The following CBS variants were observed in gnomAD, a reference collection of about 807,000 sequenced individuals.
CBS encodes cystathionine beta-synthase, also known as beta-thionase.
For missense variants in CBS, 27 were observed against 124.8 expected (o/e 0.22, Z 3.73); for synonymous variants, 23 against 52.2 (o/e 0.44, Z 2.41).
In CBS at chr21:43,066,178, CCGGCAGGCT is replaced by C. The variant is rs1381217098; in HGVS notation, c.451+56_451+64del. 2.3e-6 allele frequency: 3 copies of C among 1,303,110 alleles called. 1 individual carries two copies. In the African/African-American group the frequency reaches 6.0e-5, roughly 26 times the overall value. The allele number at this position is 1,303,110 out of a possible 1,614,324, so 80.7% of individuals were successfully genotyped here. ...GCAGCTCAGCCATCCCCCCCGGGTCCCGGCAGGCTCGGCATGGGTAGGGGACAGCCAGCC... is the reference window on the plus strand; with the variant it reads ...GCAGCTCAGCCATCCCCCCCGGGTCCCGGCATGGGTAGGGGACAGCCAGCC... On this transcript the variant is annotated intron_variant, in intron 5 of 16. Transcript: ENST00000398165.
In CBS at chr21:43,075,768, ACCTGG is replaced by A. The variant is rs1233348102; in HGVS notation, c.-88_-85+1del. The A allele has an allele frequency of 6.8e-3, 1 of 148 alleles. No individual in the cohort carries two copies. Among genetic ancestry groups the A allele is most frequent in the Admixed American group, 0.012 (1 of 84 alleles). 0.0% of individuals were successfully genotyped at this position (148 alleles called of 1,614,324 possible). On this transcript the variant is annotated splice_donor_variant and 5_prime_UTR_variant, in exon 1 of 17. Coordinates refer to ENST00000398165, the MANE Select transcript of CBS (RefSeq NM_000071.3). LOFTEE classifies it low-confidence loss of function (5UTR_SPLICE). ...GCGAGTCTCGGTGGGGCCGGATCTCACCTGGACGGATACATGGAAAAGAGGGGCGA... is the reference window on the plus strand; with the variant it reads ...GCGAGTCTCGGTGGGGCCGGATCTCAACGGATACATGGAAAAGAGGGGCGA...
Position 43,075,773 on chromosome 21 carries a change from G to GAAA in CBS, c.-89_-88insTTT, listed in dbSNP as rs1264290997. 3.9e-3 allele frequency: 1 copy of GAAA among 256 alleles called. No homozygotes were observed. The highest frequency in any genetic ancestry group is 7.7e-3 in the Admixed American group (1 of 130). 0.0% of individuals were successfully genotyped at this position (256 alleles called of 1,614,324 possible). The stretch of plus-strand genomic sequence containing the variant: ...TCTCGGTGGGGCCGGATCTCACCTG[G>GAAA]ACGGATACATGGAAAAGAGGGGCGA... On this transcript the variant is annotated 5_prime_UTR_variant, in exon 1 of 17. Coordinates refer to ENST00000398165, the MANE Select transcript of CBS (RefSeq NM_000071.3).
chr21:43,066,101 C>A lies in CBS; in HGVS notation c.451+142G>T, dbSNP rs2298760. 8.3e-4 allele frequency: 462 copies of A among 554,616 alleles called. 16 individuals are homozygous for A. In the East Asian group the frequency reaches 0.013, roughly 15 times the overall value. The allele number at this position is 554,616 out of a possible 1,614,324, so 34.4% of individuals were successfully genotyped here. On this transcript the variant is annotated intron_variant, in intron 5 of 16. Transcript: ENST00000398165. Reference sequence around the variant, plus strand: ...GCTAGGTTGGGACACAGGCCGGCAGCGGGTGCAAGATGCCAGGGAGCAGGC... The same window carrying A: ...GCTAGGTTGGGACACAGGCCGGCAGAGGGTGCAAGATGCCAGGGAGCAGGC...
chr21:43,066,181 G>C (rs1982707300), intron 5 of CBS, 62 bp downstream of exon 5: 6 of 1,307,100 alleles, frequency 4.6e-6, no homozygotes, highest in African/African-American at 2.1e-5. Flanking sequence ...CCGGGTCCCG[G>C]CAGGCTCGGC....
In CBS at chr21:43,067,722, T is replaced by C; in HGVS notation, c.316+787A>G. ...TCCCACTCGAACTCCACCCCCTCCATCTGGCCCTGTCGCGGGGTTCTCCGC... is the reference window on the plus strand; with the variant it reads ...TCCCACTCGAACTCCACCCCCTCCACCTGGCCCTGTCGCGGGGTTCTCCGC... On this transcript the variant is annotated intron_variant, in intron 4 of 16. Transcript: ENST00000398165. 5.8e-6 allele frequency: 2 copies of C among 344,290 alleles called. 1 individual carries two copies. Among genetic ancestry groups the C allele is most frequent in the Middle Eastern group, 7.7e-4 (2 of 2,582 alleles). The allele number at this position is 344,290 out of a possible 1,614,324, so 21.3% of individuals were successfully genotyped here. A position where few individuals can be genotyped will look rare whatever the true frequency, so the allele number is the denominator to read the frequency against.
chr21:43,067,864 G>T lies in CBS; in HGVS notation c.316+645C>A. ...CCACAGCTTTCTCTGTGACGATGCT[G>T]AGGTCTACCAGGGCTCTGCGCTCTT... On this transcript the variant is annotated intron_variant, in intron 4 of 16. Transcript: ENST00000398165. The T allele has an allele frequency of 1.3e-5, 4 of 310,572 alleles. 1 individual carries two copies. Among genetic ancestry groups the T allele is most frequent in the South Asian group, 7.9e-5 (4 of 50,736 alleles). The allele number at this position is 310,572 out of a possible 1,614,324, so 19.2% of individuals were successfully genotyped here. A position where few individuals can be genotyped will look rare whatever the true frequency, so the allele number is the denominator to read the frequency against.
chr21:43,066,916 G>C (rs998060933), intron 4 of CBS, among the ~76,000 whole-genome samples: 1 of 134,758 alleles, frequency 7.4e-6, no homozygotes. Context: ...ACAAGGCCAA[G>C]GCCTTCACTT....
Position 43,068,604 on chromosome 21 carries a change from G to A in CBS, c.221C>T (p.Pro74Leu), listed in dbSNP as rs762862715. Residue 74 changes from proline (P) to leucine (L), a missense_variant, in exon 4 of 17, where the codon CCA becomes CTA. Physicochemically the swap from Pro to Leu is moderately conservative, Grantham distance 98. Transcript: ENST00000398165. ...PHHHTAPAKS[P>L]KILPDILKKI... Reference sequence around the variant, plus strand: ...CTTCAGAATATCTGGCAAGATTTTTGGAGATTTTGCCCTGAAACAGAGGAG... The same window carrying A: ...CTTCAGAATATCTGGCAAGATTTTTAGAGATTTTGCCCTGAAACAGAGGAG... The A allele has an allele frequency of 6.8e-5, 26 of 379,780 alleles. No homozygotes were observed. The Admixed American group carries it at 9.7e-4, about 14-fold the overall frequency. The allele number at this position is 379,780 out of a possible 1,614,324, so 23.5% of individuals were successfully genotyped here.
intron 16 of CBS, chr21:43,056,064 G>GC (rs777444598): frequency 2.7e-5 from 2 of 75,018 alleles, no homozygotes; most frequent in South Asian, 1.1e-4. Context: ...CTACCTGCAG[G>GC]CCCCCCCACC....
chr21:43,066,729 G>T (rs79040728), intron 4 of CBS, among the ~76,000 whole-genome samples: 1 of 82,248 alleles, frequency 1.2e-5, no homozygotes, highest in Non-Finnish European at 2.3e-5. Flanking sequence ...GGTCCCCTAC[G>T]CCCCTATGCC....
At chr21:43,067,014 A>T (rs1269228735) in intron 4 of CBS, among the ~76,000 whole-genome samples, 1 of 138,360 alleles carries the variant, frequency 7.2e-6, no homozygotes, top group East Asian at 2.0e-4. Context: ...GGCTGCATGA[A>T]ATGTGATTTG....
In CBS at chr21:43,066,399, C is replaced by T. The variant is rs200724824; in HGVS notation, c.317-22G>A. On this transcript the variant is annotated intron_variant, in intron 4 of 16. Transcript: ENST00000398165. ...GCCACTGGGAGGCAGAGATGAATCA[C>T]AGAGGGGACCCCCTGACCACCCCCC... is the stretch of plus-strand genomic sequence containing the variant. 43 of 634,750 alleles carry T rather than the reference C, an allele frequency of 6.8e-5. 7 individuals are homozygous for T. The Middle Eastern group carries it at 3.8e-3, about 56-fold the overall frequency. 39.3% of individuals were successfully genotyped at this position (634,750 alleles called of 1,614,324 possible). A position where few individuals can be genotyped will look rare whatever the true frequency, so the allele number is the denominator to read the frequency against.
In CBS at chr21:43,065,994, G is replaced by A. The variant is rs2298759; in HGVS notation, c.451+249C>T. Among the ~76,000 whole-genome samples the A allele has an allele frequency of 4.7e-3, 265 of 56,976 alleles. 14 individuals are homozygous for A. The highest frequency in any genetic ancestry group is 0.038 in the East Asian group (108 of 2,812). The allele number at this position is 56,976 out of a possible 152,430, so 37.4% of individuals were successfully genotyped here. A position where few individuals can be genotyped will look rare whatever the true frequency, so the allele number is the denominator to read the frequency against. On this transcript the variant is annotated intron_variant, in intron 5 of 16. Coordinates refer to ENST00000398165, the MANE Select transcript of CBS (RefSeq NM_000071.3). ...CAGGCACAGGAAGAGCAGACTCCGG[G>A]TGCTCGTCTTGTGTGCCAGGCACTG...
intron 16 of CBS, chr21:43,055,766 C>T (rs35307078): frequency 0.085 from 35,813 of 421,100 alleles, 4,623 homozygotes; most frequent in Non-Finnish European, 0.11. Context: ...GTCTTGGGGG[C>T]CGTGCCGTCT....
chr21:43,055,890 CT>C (rs750570864), intron 16 of CBS: 1,005 of 69,040 alleles, frequency 0.015, 4 homozygotes, highest in South Asian at 0.042. Context: ...GAATTTGCAT[CT>C]TTTTTTTTTT....
At position 43,066,170 on chromosome 21, in the gene CBS, C is replaced by G. The variant is rs544843180; in HGVS notation, c.451+73G>C. Reference sequence around the variant, plus strand: ...ATGCGGCTGCAGCTCAGCCATCCCCCCCGGGTCCCGGCAGGCTCGGCATGG... The same window carrying G: ...ATGCGGCTGCAGCTCAGCCATCCCCGCCGGGTCCCGGCAGGCTCGGCATGG... On this transcript the variant is annotated intron_variant, in intron 5 of 16. Coordinates refer to ENST00000398165, the MANE Select transcript of CBS (RefSeq NM_000071.3). 1.5e-4 allele frequency: 190 copies of G among 1,268,234 alleles called. 34 individuals are homozygous for G. In the South Asian group the frequency reaches 2.0e-3, roughly 13 times the overall value. 78.6% of individuals were successfully genotyped at this position (1,268,234 alleles called of 1,614,324 possible).
chr21:43,065,262 G>T lies in CBS; in HGVS notation c.677C>A (p.Ala226Asp). 2 of 1,409,660 alleles carry T rather than the reference G, an allele frequency of 1.4e-6. No homozygotes were observed. Among genetic ancestry groups the T allele is most frequent in the Non-Finnish European group, 2.0e-6 (2 of 1,013,602 alleles). 87.3% of individuals were successfully genotyped at this position (1,409,660 alleles called of 1,614,324 possible). Residue 226 changes from alanine (A) to aspartate (D), a missense_variant, in exon 8 of 17, where the codon GCC becomes GAC. By Grantham distance (126) the Ala-to-Asp change is moderately radical. Transcript: ENST00000398165. ...GTCGTAGTGAGCCAGGGGGTTGCTG[G>T]CGTTGCGGTACTGCATAGAAAGAGA... The part of the protein sequence containing the change: ...NSHILDQYRN[A>D]SNPLAHYDTT...
intron 16 of CBS, chr21:43,055,890 C>CTTT: frequency 4.3e-5 from 3 of 69,770 alleles, no homozygotes; most frequent in Non-Finnish European, 9.2e-5. Context: ...GAATTTGCAT[C>CTTT]TTTTTTTTTT....
At chr21:43,061,712 TCA>T (rs1234162312) in intron 11 of CBS, among the ~76,000 whole-genome samples, 1 of 116,310 alleles carries the variant, frequency 8.6e-6, no homozygotes, top group African/African-American at 3.8e-5. Flanking sequence ...TGTAGAAACC[TCA>T]CATGTCCCTG....
Sources: gnomAD v4.1 joint callset for allele counts (sites outside exome capture counted in the v4.1 genomes callset) on GRCh38, gnomAD v4.1.1 for gene constraint, MANE v1.5 for transcripts, NCBI Gene and HGNC (gene_info 2026-07-23, HGNC 2026-07-21) for gene names.